Variants in CCDC30 observed in about 807,000 individuals in gnomAD.
CCDC30 encodes the protein coiled-coil domain-containing protein 30.
In CCDC30, 70 loss-of-function variants were observed where a neutral mutation model predicts 100.2. The observed-to-expected ratio is 0.70, with a 90% CI of 0.58 to 0.85. The LOEUF (loss-of-function observed/expected upper bound fraction) is 0.85, where lower values mean the gene tolerates loss of function less well. Among genes scored for constraint, CCDC30 ranks in the 40% least tolerant of loss-of-function variants. CCDC30 has a pLI of 0.00. For synonymous variants in CCDC30, 233 were observed against 269.5 expected, an observed-to-expected ratio of 0.86 and a Z score of 1.33; for missense variants, 652 against 771.2, an observed-to-expected ratio of 0.85 and a Z score of 1.83.
chr1:42,645,750 C>T (rs1647830549), intron 14 of CCDC30, among the ~76,000 whole-genome samples: 1 of 152,032 alleles, frequency 6.6e-6, no homozygotes, highest in South Asian at 2.1e-4. Context: ...TTTCCTTGAG[C>T]CACAACTGTT....
chr1:42,460,025 A>G, upstream of CCDC30: 3 of 1,451,248 alleles, frequency 2.1e-6, no homozygotes, highest in Middle Eastern at 2.6e-4. Flanking sequence ...GATAAAATGA[A>G]AGAAAGGGAA....
At chr1:42,479,098 G>T (rs1643917164) in intron 1 of CCDC30, among the ~76,000 whole-genome samples, 1 of 152,152 alleles carries the variant, frequency 6.6e-6, no homozygotes, top group South Asian at 2.1e-4. Context: ...TTCTTGGGCT[G>T]GACGCGATGT....
intron 6 of CCDC30, among the ~76,000 whole-genome samples, chr1:42,517,964 AG>A (rs1250264636): frequency 1.3e-5 from 2 of 152,210 alleles, no homozygotes; most frequent in East Asian, 1.9e-4. Flanking sequence ...GGGTCCCTTT[AG>A]GCTCTGTACA....
Position 42,553,652 on chromosome 1 carries a change from T to TACACACACACAC in CCDC30, c.457-12615_457-12604dup, listed in dbSNP as rs60429759. ...GCCTGGGTGACAAGGTGAGATTCCA[T>TACACACACACAC]ACACACACACACACACACACACACA... On this transcript the variant is annotated intron_variant, in intron 6 of 16. Transcript: ENST00000668663. Among the ~76,000 whole-genome samples, 310 of 133,818 alleles carry TACACACACACAC rather than the reference T, an allele frequency of 2.3e-3. 3 individuals carry two copies. The highest frequency in any genetic ancestry group is 0.013 in the South Asian group (50 of 3,862). 87.8% of individuals were successfully genotyped at this position (133,818 alleles called of 152,430 possible).
chr1:42,483,271 C>T (rs1643995420), intron 3 of CCDC30, among the ~76,000 whole-genome samples: 1 of 152,212 alleles, frequency 6.6e-6, no homozygotes, highest in African/African-American at 2.4e-5. Context: ...CATTAATAAA[C>T]ATACTGCAAT....
At chr1:42,652,340 G>A (rs934627481) in intron 15 of CCDC30, among the ~76,000 whole-genome samples, 1 of 152,124 alleles carries the variant, frequency 6.6e-6, no homozygotes, top group African/African-American at 2.4e-5. Context: ...GGGAGATGTT[G>A]GCCAAAGGTG....
chr1:42,581,638 A>C, intron 9 of CCDC30, 124 bp downstream of exon 13: 1 of 785,570 alleles, frequency 1.3e-6, no homozygotes, highest in Non-Finnish European at 2.0e-6. Context: ...AAGTAAACTC[A>C]GCCACACACA....
At chr1:42,562,273 G>T (rs1022277983) in intron 6 of CCDC30, among the ~76,000 whole-genome samples, 1 of 151,892 alleles carries the variant, frequency 6.6e-6, no homozygotes, top group African/African-American at 2.4e-5. Context: ...GACCAATGGA[G>T]CAGAACAGAG....
At chr1:42,598,670 A>G (rs556322996) in intron 10 of CCDC30, among the ~76,000 whole-genome samples, 3 of 152,316 alleles carry the variant, frequency 2.0e-5, no homozygotes, top group South Asian at 2.1e-4. Context: ...TTAGACATCA[A>G]TGGTTTAAAT....
At chr1:42,580,565 G>A (rs1210223078) in intron 8 of CCDC30, among the ~76,000 whole-genome samples, 1 of 152,074 alleles carries the variant, frequency 6.6e-6, no homozygotes, top group Non-Finnish European at 1.5e-5. Context: ...TGACACAAGA[G>A]TTTATAAAAA....
intron 1 of CCDC30, among the ~76,000 whole-genome samples, chr1:42,469,931 G>A (rs1227024612): frequency 6.6e-6 from 1 of 152,220 alleles, no homozygotes; most frequent in African/African-American, 2.4e-5. Flanking sequence ...CAGCGGTTGA[G>A]AAGCTTGGCT....
chr1:42,641,579 A>C (rs1392351134), intron 12 of CCDC30, among the ~76,000 whole-genome samples: 1 of 151,866 alleles, frequency 6.6e-6, no homozygotes, highest in Non-Finnish European at 1.5e-5. Context: ...AAAAAACAAA[A>C]AAAACAGCTG....
At chr1:42,643,022 T>C (rs1249008505) in intron 13 of CCDC30, among the ~76,000 whole-genome samples, 1 of 152,216 alleles carries the variant, frequency 6.6e-6, no homozygotes, top group African/African-American at 2.4e-5. Context: ...ATGAGAAATA[T>C]TATAAGCAGA....
rs574067772 is a variant in CCDC30, at chr1:42,502,278, A to C, written c.456+3362A>C. Among the ~76,000 whole-genome samples, 12 of 152,272 alleles carry C rather than the reference A, an allele frequency of 7.9e-5. No individual in the cohort carries two copies. In the South Asian group the frequency reaches 2.5e-3, roughly 32 times the overall value. Reference sequence around the variant, plus strand: ...AGCCGGGCGTGGGACCCTCCGAGCCATGCGTGGGATATAATCTCCTGGTGT... The same window carrying C: ...AGCCGGGCGTGGGACCCTCCGAGCCCTGCGTGGGATATAATCTCCTGGTGT... On this transcript the variant is annotated intron_variant, in intron 6 of 16. Transcript: ENST00000668663.
At chr1:42,629,145 T>C (rs1646986699) in intron 11 of CCDC30, among the ~76,000 whole-genome samples, 1 of 152,226 alleles carries the variant, frequency 6.6e-6, no homozygotes, top group Admixed American at 6.5e-5. Flanking sequence ...GAAGATTTCT[T>C]ATTAGTCATT....
intron 6 of CCDC30, among the ~76,000 whole-genome samples, chr1:42,517,984 G>A (rs561969200): frequency 8.5e-5 from 13 of 152,240 alleles, no homozygotes; most frequent in African/African-American, 2.9e-4. Context: ...CAAATTTTAG[G>A]ATGGATTGTT....
chr1:42,638,515 G>T (rs540059635), intron 12 of CCDC30, among the ~76,000 whole-genome samples: 53 of 148,234 alleles, frequency 3.6e-4, no homozygotes, highest in Admixed American at 5.4e-4. Context: ...ACTATGGAAA[G>T]TGTATAAGAA....
chr1:42,485,124 T>C (rs1001485712), intron 3 of CCDC30, among the ~76,000 whole-genome samples: 1 of 152,166 alleles, frequency 6.6e-6, no homozygotes, highest in African/African-American at 2.4e-5. Flanking sequence ...AAATGATGTC[T>C]AGGATTTGCT....
chr1:42,605,237 T>C (rs1263216856), intron 10 of CCDC30, among the ~76,000 whole-genome samples: 1 of 152,206 alleles, frequency 6.6e-6, no homozygotes, highest in Non-Finnish European at 1.5e-5. Context: ...AGGTTAGCAT[T>C]ATATAGCATT....
Sources: allele counts gnomAD v4.1 joint callset (sites outside exome capture counted in the v4.1 genomes callset), GRCh38; gene constraint gnomAD v4.1.1; transcripts MANE v1.5; gene names NCBI Gene and HGNC (gene_info 2026-07-23, HGNC 2026-07-21).